The following DAB1 variants were observed in gnomAD, a reference collection of about 807,000 sequenced individuals.
DAB1 encodes DAB adaptor protein 1, also known as disabled homolog 1.
A neutral mutation model predicts 64.6 loss-of-function variants in DAB1; 15 were observed. That is an observed-to-expected ratio of 0.23 (90% CI 0.16 to 0.36). The LOEUF is 0.36. DAB1 is among the 10% of genes least tolerant of loss of function. The probability of loss-of-function intolerance (pLI) is 1.00; values close to 1 mark genes in which losing one functional copy is unlikely to be tolerated. For synonymous variants in DAB1, 235 were observed against 251.9 expected, an observed-to-expected ratio of 0.93 and a Z score of 0.64; for missense variants, 596 against 706.7, an observed-to-expected ratio of 0.84 and a Z score of 1.78.
intron 5 of DAB1, among the ~76,000 whole-genome samples, chr1:57,891,764 A>G (rs1376560571): frequency 6.6e-6 from 1 of 151,694 alleles, no homozygotes. Flanking sequence ...CAAACATCTC[A>G]TGTTCTCACT....
At chr1:58,337,584 T>C (rs1297964095) in intron 4 of DAB1, among the ~76,000 whole-genome samples, 3 of 152,218 alleles carry the variant, frequency 2.0e-5, no homozygotes, top group Non-Finnish European at 4.4e-5. Flanking sequence ...CTACTTATGT[T>C]TTCTTGACCT....
intron 2 of DAB1, among the ~76,000 whole-genome samples, chr1:57,255,679 A>G (rs1169982679): frequency 6.6e-6 from 1 of 152,114 alleles, no homozygotes; most frequent in East Asian, 1.9e-4. Flanking sequence ...CAAACAAAAA[A>G]ACCAAGGCTT....
intron 1 of DAB1, among the ~76,000 whole-genome samples, chr1:57,371,275 A>T (rs1680474939): frequency 1.3e-5 from 2 of 152,058 alleles, no homozygotes. Context: ...CCCACATCCA[A>T]CTCACTGACT....
chr1:57,074,575 A>G (rs547070980), intron 4 of DAB1, among the ~76,000 whole-genome samples: 1 of 152,184 alleles, frequency 6.6e-6, no homozygotes, highest in South Asian at 2.1e-4. Flanking sequence ...GACCTTATAA[A>G]TCATTTGTGG....
At chr1:57,098,028 C>T (rs1253035408) in intron 4 of DAB1, among the ~76,000 whole-genome samples, 2 of 152,164 alleles carry the variant, frequency 1.3e-5, no homozygotes, top group Non-Finnish European at 2.9e-5. Context: ...CTGCCCGCCT[C>T]AGCCTCCCAA....
At chr1:58,131,023 A>G (rs1444370036) in intron 5 of DAB1, among the ~76,000 whole-genome samples, 47 of 136,150 alleles carry the variant, frequency 3.5e-4, no homozygotes, top group African/African-American at 1.3e-3. Flanking sequence ...AGATTGGGGA[A>G]GTTCTCCTGG....
At chr1:57,221,596 T>G (rs1194277906) in intron 2 of DAB1, among the ~76,000 whole-genome samples, 1 of 152,178 alleles carries the variant, frequency 6.6e-6, no homozygotes, top group African/African-American at 2.4e-5. Flanking sequence ...GATGCATGAC[T>G]TCTAGAGACC....
chr1:57,929,862 T>C (rs1644930769), intron 5 of DAB1, among the ~76,000 whole-genome samples: 1 of 152,166 alleles, frequency 6.6e-6, no homozygotes, highest in African/African-American at 2.4e-5. Flanking sequence ...ACTCACTTAC[T>C]ACCTTAAGAA....
chr1:57,070,473 G>A (rs781005750), intron 7 of DAB1, among the ~76,000 whole-genome samples: 1 of 152,170 alleles, frequency 6.6e-6, no homozygotes, highest in African/African-American at 2.4e-5. Flanking sequence ...GAGAAAGCTA[G>A]GGGCAGAAGT....
At chr1:58,056,952 G>C (rs11584768) in intron 5 of DAB1, among the ~76,000 whole-genome samples, 30,503 of 149,408 alleles carry the variant, frequency 0.2, 3,355 homozygotes, top group Admixed American at 0.23. Context: ...GCACACTGCT[G>C]TAACTCGTAT....
intron 7 of DAB1, among the ~76,000 whole-genome samples, chr1:57,445,170 CATTT>C (rs1362116704): frequency 6.6e-6 from 1 of 151,290 alleles, no homozygotes; most frequent in African/African-American, 2.4e-5. Flanking sequence ...AATTATTTAT[CATTT>C]ATTTATTATT....
chr1:57,928,711 C>G (rs1644913907), intron 5 of DAB1, among the ~76,000 whole-genome samples: 1 of 152,164 alleles, frequency 6.6e-6, no homozygotes, highest in Non-Finnish European at 1.5e-5. Context: ...AAGTACGTAG[C>G]CTTTTCACAT....
At chr1:58,410,599 T>C (rs775561494) in intron 3 of DAB1, among the ~76,000 whole-genome samples, 27 of 152,338 alleles carry the variant, frequency 1.8e-4, no homozygotes, top group Middle Eastern at 3.4e-3. Context: ...ATTTTCCAGA[T>C]GAGAAAACTA....
At chr1:57,618,755 G>A (rs1179022475) in intron 7 of DAB1, among the ~76,000 whole-genome samples, 1 of 151,800 alleles carries the variant, frequency 6.6e-6, no homozygotes, top group Non-Finnish European at 1.5e-5. Flanking sequence ...TTTTTTAGTT[G>A]CAGAATCAGC....
intron 6 of DAB1, among the ~76,000 whole-genome samples, chr1:57,743,689 C>G (rs1416351685): frequency 6.6e-6 from 1 of 152,132 alleles, no homozygotes; most frequent in Non-Finnish European, 1.5e-5. Flanking sequence ...GAGAGCAGCT[C>G]GGTCCAGGAG....
intron 5 of DAB1, among the ~76,000 whole-genome samples, chr1:58,116,835 C>CA (rs572793987): frequency 8.1e-4 from 123 of 151,898 alleles, no homozygotes; most frequent in Non-Finnish European, 1.5e-3. Context: ...GCTGCCAGGG[C>CA]AAAAAAGAAA....
chr1:57,822,847 T>C (rs561443307), downstream of DAB1, among the ~76,000 whole-genome samples: 1 of 152,290 alleles, frequency 6.6e-6, no homozygotes, highest in African/African-American at 2.4e-5. Context: ...ATTAAAAAAT[T>C]AGTGAGATAT....
intron 5 of DAB1, among the ~76,000 whole-genome samples, chr1:58,032,378 G>C (rs1489823414): frequency 6.6e-6 from 1 of 152,128 alleles, no homozygotes; most frequent in African/African-American, 2.4e-5. Flanking sequence ...TGAGATAATA[G>C]CTATCTCAAA....
intron 7 of DAB1, among the ~76,000 whole-genome samples, chr1:57,524,664 T>C (rs1411123351): frequency 6.6e-6 from 1 of 152,208 alleles, no homozygotes; most frequent in East Asian, 1.9e-4. Flanking sequence ...AAGAACCTTC[T>C]TAAGGGTGGC....
Sources: allele counts gnomAD v4.1 joint callset (sites outside exome capture counted in the v4.1 genomes callset), GRCh38; gene constraint gnomAD v4.1.1; transcripts MANE v1.5; gene names NCBI Gene and HGNC (gene_info 2026-07-23, HGNC 2026-07-21).